Variants in IGSF11 observed in about 807,000 individuals in gnomAD.
The protein encoded by IGSF11 is immunoglobulin superfamily member 11.
Under a neutral mutation model 41.0 loss-of-function variants are expected in IGSF11, and 22 were observed. That is an observed-to-expected ratio of 0.54 (90% CI 0.38 to 0.77). The LOEUF (loss-of-function observed/expected upper bound fraction) is 0.77, where lower values mean the gene tolerates loss of function less well. Ranked by LOEUF, IGSF11 falls within the 30% of genes least tolerant of loss-of-function variation. IGSF11 has a pLI of 0.00. For missense variants in IGSF11, 444 were observed against 530.8 expected (o/e 0.84, Z 1.61); for synonymous variants, 219 against 201.3 (o/e 1.09, Z -0.74).
chr3:118,922,552 T>C (rs1272993629), intron 4 of IGSF11, among the ~76,000 whole-genome samples: 1 of 152,068 alleles, frequency 6.6e-6, no homozygotes, highest in African/African-American at 2.4e-5. Flanking sequence ...ACTGCAACTT[T>C]GTACCCTTTA....
intron 1 of IGSF11, among the ~76,000 whole-genome samples, chr3:119,075,005 G>T (rs1157253514): frequency 6.6e-6 from 1 of 152,058 alleles, no homozygotes; most frequent in African/African-American, 2.4e-5. Flanking sequence ...CGAATGAAAT[G>T]GAGATGCAAA....
At chr3:119,043,215 G>T (rs1350287369) in intron 1 of IGSF11, among the ~76,000 whole-genome samples, 1 of 152,096 alleles carries the variant, frequency 6.6e-6, no homozygotes, top group East Asian at 1.9e-4. Context: ...AAATGGGAGG[G>T]GACTCAAAGG....
chr3:119,108,758 G>A (rs1159841838), upstream of IGSF11, among the ~76,000 whole-genome samples: 531 of 143,550 alleles, frequency 3.7e-3, 10 homozygotes, highest in African/African-American at 0.012. Flanking sequence ...TTTGAGATAC[G>A]TCCCATCAAT....
chr3:118,989,510 G>A (rs1935586283), intron 1 of IGSF11, among the ~76,000 whole-genome samples: 2 of 151,926 alleles, frequency 1.3e-5, no homozygotes, highest in Admixed American at 6.6e-5. Context: ...CCACCACCAC[G>A]CCCAGCTAAT....
At chr3:118,947,266 T>C (rs1229010976) in intron 1 of IGSF11, 2 of 152,160 alleles carry the variant, frequency 1.3e-5, no homozygotes, top group Non-Finnish European at 2.9e-5. Context: ...CAAAATGGCT[T>C]GCAACTAATT....
In IGSF11 at chr3:119,094,223, TAAAAAAAAAAAA is replaced by T. The variant is rs1175348778; in HGVS notation, c.49+10909_49+10920del. ...TGGAAAGAAGGACTACATAGCGAAG[TAAAAAAAAAAAA>T]AAAAAAAAAAAAAAAAGTTGTTGTT... On this transcript the variant is annotated intron_variant, in intron 1 of 6. Coordinates refer to the IGSF11 transcript ENST00000354673. Among the ~76,000 whole-genome samples the T allele has an allele frequency of 2.6e-3, 92 of 35,076 alleles. 1 individual carries two copies. The highest frequency in any genetic ancestry group is 6.2e-3 in the African/African-American group (78 of 12,492). 23.0% of individuals were successfully genotyped at this position (35,076 alleles called of 152,430 possible).
Position 119,084,424 on chromosome 3 carries a change from T to G in IGSF11, c.49+20720A>C, listed in dbSNP as rs544447177. Among the ~76,000 whole-genome samples, 4 of 152,018 alleles carry G rather than the reference T, an allele frequency of 2.6e-5. No homozygotes were observed. In the South Asian group the frequency reaches 8.3e-4, roughly 32 times the overall value. ...GATCCTAGCTGCAGGAGACCCCACATCCCCCATAGATGCTTGAGCTAGCAG... is the reference window on the plus strand; with the variant it reads ...GATCCTAGCTGCAGGAGACCCCACAGCCCCCATAGATGCTTGAGCTAGCAG... On this transcript the variant is annotated intron_variant, in intron 1 of 6. Coordinates refer to the IGSF11 transcript ENST00000354673.
intron 1 of IGSF11, among the ~76,000 whole-genome samples, chr3:119,022,390 T>A (rs1324115497): frequency 6.6e-6 from 1 of 152,172 alleles, no homozygotes; most frequent in East Asian, 1.9e-4. Flanking sequence ...TGCCACCAAA[T>A]CATATACTTA....
At chr3:119,142,628 T>C (rs1435421151) in intron 1 of IGSF11, among the ~76,000 whole-genome samples, 3 of 151,962 alleles carry the variant, frequency 2.0e-5, no homozygotes, top group African/African-American at 4.8e-5. Flanking sequence ...GTACCACTTA[T>C]GCATGGTGGG....
At chr3:118,905,803 C>T (rs1026377592) in intron 4 of IGSF11, 85 bp from the exon 5 acceptor site, 54 of 1,460,776 alleles carry the variant, frequency 3.7e-5, no homozygotes, top group South Asian at 1.2e-4. Flanking sequence ...TAAAAACAGA[C>T]GAACACTGGA....
At chr3:119,096,637 G>A (rs1291021786) in intron 1 of IGSF11, among the ~76,000 whole-genome samples, 1 of 152,072 alleles carries the variant, frequency 6.6e-6, no homozygotes, top group Non-Finnish European at 1.5e-5. Context: ...CTCTCTACCC[G>A]ATGCTGTGAA....
At chr3:118,976,811 G>A (rs1934164200) in intron 1 of IGSF11, among the ~76,000 whole-genome samples, 1 of 152,174 alleles carries the variant, frequency 6.6e-6, no homozygotes, top group Non-Finnish European at 1.5e-5. Flanking sequence ...AAAGATAACA[G>A]GAGAGTCCTT....
chr3:119,050,782 G>A (rs551783052), intron 1 of IGSF11, among the ~76,000 whole-genome samples: 3,081 of 151,832 alleles, frequency 0.02, 45 homozygotes, highest in Middle Eastern at 0.058. Flanking sequence ...TTAAGAAAAT[G>A]TGGCACATAT....
chr3:119,076,774 G>A (rs2076506763), intron 1 of IGSF11, among the ~76,000 whole-genome samples: 1 of 151,320 alleles, frequency 6.6e-6, no homozygotes, highest in Non-Finnish European at 1.5e-5. Flanking sequence ...AGGTGCTGGA[G>A]AGGATGTGGA....
At chr3:119,068,592 T>C (rs1942302213) in intron 1 of IGSF11, among the ~76,000 whole-genome samples, 1 of 152,196 alleles carries the variant, frequency 6.6e-6, no homozygotes, top group Non-Finnish European at 1.5e-5. Context: ...TCTGTAGTGG[T>C]CCTTTATCAA....
Position 119,021,148 on chromosome 3 carries a change from TC to T in IGSF11, c.52+13382del, listed in dbSNP as rs1399813045. Reference sequence around the variant, plus strand: ...ACCATCTTTTGGCCACAGGTTAAAATCCCTTATACAATACAAATGTAGGCAG... The same window carrying T: ...ACCATCTTTTGGCCACAGGTTAAAATCCTTATACAATACAAATGTAGGCAG... On this transcript the variant is annotated intron_variant, in intron 1 of 6. Transcript: ENST00000393775. Among the ~76,000 whole-genome samples, 5 of 152,226 alleles carry T rather than the reference TC, an allele frequency of 3.3e-5. 1 individual carries two copies. Among genetic ancestry groups the T allele is most frequent in the East Asian group, 1.9e-4 (1 of 5,188 alleles).
chr3:118,937,737 A>G (rs2107550087), intron 1 of IGSF11, among the ~76,000 whole-genome samples: 1 of 152,336 alleles, frequency 6.6e-6, no homozygotes, highest in Non-Finnish European at 1.5e-5. Flanking sequence ...CTACCATAAA[A>G]TTATATATCT....
chr3:119,017,836 G>A (rs1459718538), intron 1 of IGSF11, among the ~76,000 whole-genome samples: 1 of 139,676 alleles, frequency 7.2e-6, no homozygotes, highest in Non-Finnish European at 1.5e-5. Context: ...AGGCTGGAGT[G>A]CAATGGTGTG....
chr3:118,943,902 C>G (rs1327119029), intron 1 of IGSF11, among the ~76,000 whole-genome samples: 2 of 152,160 alleles, frequency 1.3e-5, no homozygotes, highest in Non-Finnish European at 1.5e-5. Context: ...TTTAATGAAG[C>G]ATTCATATGA....
Sources: allele counts gnomAD v4.1 joint callset (sites outside exome capture counted in the v4.1 genomes callset), GRCh38; gene constraint gnomAD v4.1.1; transcripts MANE v1.5; gene names NCBI Gene and HGNC (gene_info 2026-07-23, HGNC 2026-07-21).